Variants in SPOCK3 observed in about 807,000 individuals in gnomAD.
The protein encoded by SPOCK3 is SPARC (osteonectin), cwcv and kazal like domains proteoglycan 3.
In SPOCK3, 30 loss-of-function variants were observed where a neutral mutation model predicts 56.6. That is an observed-to-expected ratio of 0.53 (90% CI 0.40 to 0.72). The LOEUF (loss-of-function observed/expected upper bound fraction) is 0.72. Among genes scored for constraint, SPOCK3 ranks in the 30% least tolerant of loss-of-function variants. The probability of loss-of-function intolerance (pLI) is 0.00; values close to 1 mark genes in which losing one functional copy is unlikely to be tolerated. For missense variants in SPOCK3, 527 were observed against 530.0 expected (o/e 0.99, Z 0.06); for synonymous variants, 196 against 183.3 (o/e 1.07, Z -0.56).
At chr4:167,116,911 G>GTATATATATATATATA (rs1279038321) in intron 2 of SPOCK3, among the ~76,000 whole-genome samples, 128 of 115,368 alleles carry the variant, frequency 1.1e-3, no homozygotes, top group Non-Finnish European at 1.3e-3. Context: ...GTGTGTGTGT[G>GTATATATATATATATA]TGTATATATA....
chr4:166,845,437 T>C lies in SPOCK3; in HGVS notation c.589+43693A>G, dbSNP rs538462436. Reference sequence around the variant, plus strand: ...CAAATCTAATTGTGGCTTTAAATTATGTTAAATATTTCACTTTGTGCTATA... The same window carrying C: ...CAAATCTAATTGTGGCTTTAAATTACGTTAAATATTTCACTTTGTGCTATA... On this transcript the variant is annotated intron_variant, in intron 6 of 10. Coordinates refer to ENST00000357545, the MANE Select transcript of SPOCK3 (RefSeq NM_001040159.2). Among the ~76,000 whole-genome samples, 3 of 152,366 alleles carry C rather than the reference T, an allele frequency of 2.0e-5. No individual in the cohort carries two copies. In the South Asian group the frequency reaches 6.2e-4, roughly 32 times the overall value.
chr4:166,947,160 A>T (rs1283395387), intron 4 of SPOCK3, among the ~76,000 whole-genome samples: 1 of 152,034 alleles, frequency 6.6e-6, no homozygotes, highest in Non-Finnish European at 1.5e-5. Context: ...ACAAGTCACA[A>T]TTTTTTCATC....
intron 3 of SPOCK3, among the ~76,000 whole-genome samples, chr4:167,061,961 CT>C (rs1372362241): frequency 2.0e-5 from 3 of 151,662 alleles, no homozygotes; most frequent in Non-Finnish European, 3.0e-5. Context: ...TCTTGTTTTC[CT>C]TTTAAAGGTA....
chr4:166,742,731 G>GA (rs1239937574), intron 8 of SPOCK3, among the ~76,000 whole-genome samples: 27 of 152,058 alleles, frequency 1.8e-4, no homozygotes, highest in Non-Finnish European at 1.5e-5. Flanking sequence ...AAAATAAGCT[G>GA]AAAACATTTA....
intron 3 of SPOCK3, among the ~76,000 whole-genome samples, chr4:167,032,651 A>G (rs1752380780): frequency 6.6e-6 from 1 of 151,902 alleles, no homozygotes; most frequent in African/African-American, 2.4e-5. Context: ...TGACTAAAAT[A>G]CCCGAGCTTT....
At chr4:166,780,257 T>A (rs1740015787) in intron 7 of SPOCK3, among the ~76,000 whole-genome samples, 1 of 152,160 alleles carries the variant, frequency 6.6e-6, no homozygotes, top group Admixed American at 6.6e-5. Context: ...AAATACCATG[T>A]AAGCTAATAA....
At chr4:167,122,397 A>G (rs1761945677) in intron 2 of SPOCK3, among the ~76,000 whole-genome samples, 1 of 152,106 alleles carries the variant, frequency 6.6e-6, no homozygotes, top group African/African-American at 2.4e-5. Flanking sequence ...TGATCCACCC[A>G]CTTCAGCCTC....
chr4:167,060,798 G>C (rs2150243583), intron 3 of SPOCK3, among the ~76,000 whole-genome samples: 1 of 152,176 alleles, frequency 6.6e-6, no homozygotes, highest in Non-Finnish European at 1.5e-5. Context: ...CTGACTGAAT[G>C]TAAATCTCCA....
intron 2 of SPOCK3, among the ~76,000 whole-genome samples, chr4:167,160,733 G>A (rs1765224417): frequency 6.6e-6 from 1 of 151,984 alleles, no homozygotes; most frequent in Non-Finnish European, 1.5e-5. Context: ...CAGAAATAAT[G>A]CCACATAGCT....
chr4:167,059,287 C>A (rs539750559), intron 3 of SPOCK3, among the ~76,000 whole-genome samples: 166 of 152,046 alleles, frequency 1.1e-3, no homozygotes, highest in Non-Finnish European at 1.1e-3. Flanking sequence ...TCTACAAAGA[C>A]CTCAAACAAA....
intron 6 of SPOCK3, among the ~76,000 whole-genome samples, chr4:166,812,840 AG>A (rs1743976860): frequency 6.6e-6 from 1 of 152,038 alleles, no homozygotes; most frequent in Admixed American, 6.6e-5. Flanking sequence ...ATACATACAG[AG>A]TAACAATACA....
intron 4 of SPOCK3, among the ~76,000 whole-genome samples, chr4:166,992,778 C>G (rs1747937370): frequency 6.6e-6 from 1 of 151,252 alleles, no homozygotes; most frequent in Admixed American, 6.6e-5. Context: ...ATTTGGGGAA[C>G]AAGAAACCAG....
intron 8 of SPOCK3, among the ~76,000 whole-genome samples, chr4:166,742,263 A>G (rs1354561156): frequency 4.7e-5 from 7 of 147,910 alleles, no homozygotes; most frequent in Admixed American, 4.7e-4. Context: ...CTATCTATCT[A>G]TCTATCTATC....
chr4:166,957,779 A>C (rs943329107), intron 4 of SPOCK3, among the ~76,000 whole-genome samples: 6 of 152,138 alleles, frequency 3.9e-5, no homozygotes, highest in African/African-American at 1.4e-4. Context: ...TTTTTTGGCC[A>C]ATTTCTCCTT....
intron 4 of SPOCK3, among the ~76,000 whole-genome samples, chr4:166,925,027 A>G (rs1738920559): frequency 6.6e-6 from 1 of 152,166 alleles, no homozygotes; most frequent in South Asian, 2.1e-4. Flanking sequence ...CTTTGTAGTA[A>G]TCTTGTCCCA....
At chr4:166,782,264 T>C (rs1031138989) in intron 7 of SPOCK3, among the ~76,000 whole-genome samples, 31 of 152,092 alleles carry the variant, frequency 2.0e-4, no homozygotes, top group African/African-American at 7.0e-4. Context: ...TGATAAAGAG[T>C]TCAACAAGAA....
intron 3 of SPOCK3, among the ~76,000 whole-genome samples, chr4:167,044,425 T>C (rs2150207315): frequency 1.2e-5 from 1 of 80,774 alleles, no homozygotes; most frequent in Middle Eastern, 6.4e-3. Context: ...TTTTTCAATT[T>C]AATTGATTTT....
At chr4:167,136,176 C>T (rs918443646) in intron 2 of SPOCK3, among the ~76,000 whole-genome samples, 13 of 151,986 alleles carry the variant, frequency 8.6e-5, no homozygotes, top group African/African-American at 3.1e-4. Flanking sequence ...GGTGGTGCAA[C>T]CCAGGAATTT....
chr4:167,228,955 C>G (rs1736861973), intron 2 of SPOCK3, among the ~76,000 whole-genome samples: 1 of 152,088 alleles, frequency 6.6e-6, no homozygotes, highest in Non-Finnish European at 1.5e-5. Context: ...AAACCCAGTG[C>G]CTGTAATCAC....
Sources: gnomAD v4.1 joint callset for allele counts (sites outside exome capture counted in the v4.1 genomes callset) on GRCh38, gnomAD v4.1.1 for gene constraint, MANE v1.5 for transcripts, NCBI Gene and HGNC (gene_info 2026-07-23, HGNC 2026-07-21) for gene names.